Variants in SLC25A48 observed in about 807,000 individuals in gnomAD.
SLC25A48 encodes the protein CTC-321K16.1.
In SLC25A48, 29 loss-of-function variants were observed where a neutral mutation model predicts 32.2. That is an observed-to-expected ratio of 0.90 (90% CI 0.67 to 1.23). The LOEUF (loss-of-function observed/expected upper bound fraction) is 1.23, where lower values mean the gene tolerates loss of function less well. Ranked by LOEUF, SLC25A48 falls within the 50% of genes most tolerant of loss-of-function variation. SLC25A48 has a pLI of 0.00. For missense variants in SLC25A48, 399 were observed against 422.7 expected (o/e 0.94, Z 0.49); for synonymous variants, 164 against 172.3 (o/e 0.95, Z 0.38).
intron 3 of SLC25A48, among the ~76,000 whole-genome samples, chr5:135,778,181 G>T (rs1756618104): frequency 6.6e-6 from 1 of 151,488 alleles, no homozygotes; most frequent in Non-Finnish European, 1.5e-5. Flanking sequence ...GGGGGGAGAG[G>T]ATAATATTCC....
intron 3 of SLC25A48, among the ~76,000 whole-genome samples, chr5:135,792,581 T>C (rs941585206): frequency 2.0e-5 from 3 of 151,756 alleles, no homozygotes; most frequent in Admixed American, 6.6e-5. Flanking sequence ...GAGATATTAC[T>C]CTCCTAATGT....
chr5:135,737,365 T>C (rs1222606483), intron 3 of SLC25A48, among the ~76,000 whole-genome samples: 1 of 152,126 alleles, frequency 6.6e-6, no homozygotes, highest in African/African-American at 2.4e-5. Flanking sequence ...GTGTCATCAG[T>C]TAAGGCAGGA....
chr5:135,780,828 C>T (rs12659581), intron 3 of SLC25A48, among the ~76,000 whole-genome samples: 46,887 of 111,726 alleles, frequency 0.42, 18,250 homozygotes, highest in Middle Eastern at 0.7. Context: ...ATATCGCAGG[C>T]GGTGTAGACC....
chr5:135,721,667 C>T (rs2126983261), intron 3 of SLC25A48, among the ~76,000 whole-genome samples: 1 of 151,634 alleles, frequency 6.6e-6, no homozygotes, highest in South Asian at 2.1e-4. Flanking sequence ...TCTCCAAAAG[C>T]AAGCGTAAGA....
intron 3 of SLC25A48, among the ~76,000 whole-genome samples, chr5:135,767,342 T>A (rs544085895): frequency 3.3e-4 from 50 of 152,074 alleles, no homozygotes; most frequent in African/African-American, 1.1e-3. Context: ...GCCTGTTACA[T>A]GCTTCGGAAT....
chr5:135,768,532 C>G (rs909420394), intron 3 of SLC25A48, among the ~76,000 whole-genome samples: 1 of 151,490 alleles, frequency 6.6e-6, no homozygotes, highest in Non-Finnish European at 1.5e-5. Flanking sequence ...TAATATTACT[C>G]TTAATATCGC....
chr5:135,820,104 A>C (rs893376137), intron 4 of SLC25A48, among the ~76,000 whole-genome samples: 4 of 152,086 alleles, frequency 2.6e-5, no homozygotes, highest in African/African-American at 9.7e-5. Context: ...AACTATACCC[A>C]CTCAAAGACT....
At chr5:135,862,241 ACACT>A (rs998450299) in intron 4 of SLC25A48, among the ~76,000 whole-genome samples, 4 of 152,212 alleles carry the variant, frequency 2.6e-5, no homozygotes, top group Non-Finnish European at 5.9e-5. Context: ...ATGGCTAATG[ACACT>A]CACTCCTCCC....
intron 3 of SLC25A48, among the ~76,000 whole-genome samples, chr5:135,642,435 G>T (rs932066033): frequency 5.3e-5 from 8 of 152,232 alleles, no homozygotes; most frequent in African/African-American, 1.9e-4. Flanking sequence ...CCTGCCTGGT[G>T]GGCAGGACCA....
chr5:135,658,219 A>G (rs1368657074), intron 3 of SLC25A48, among the ~76,000 whole-genome samples: 4 of 152,254 alleles, frequency 2.6e-5, no homozygotes, highest in Non-Finnish European at 5.9e-5. Context: ...CAATGGAGGT[A>G]CAGGCATAGG....
At chr5:135,722,821 C>G (rs1472768466) in intron 3 of SLC25A48, among the ~76,000 whole-genome samples, 1 of 152,212 alleles carries the variant, frequency 6.6e-6, no homozygotes, top group Non-Finnish European at 1.5e-5. Flanking sequence ...CCTCCTTGTC[C>G]CTGGTGTCCG....
intron 4 of SLC25A48, among the ~76,000 whole-genome samples, chr5:135,813,915 A>C (rs1281067357): frequency 1.3e-5 from 2 of 152,148 alleles, no homozygotes; most frequent in African/African-American, 4.8e-5. Context: ...CTGGGTGATG[A>C]GTGGTTGGAG....
intron 3 of SLC25A48, among the ~76,000 whole-genome samples, chr5:135,784,758 C>A (rs535829296): frequency 3.4e-5 from 4 of 117,384 alleles, no homozygotes; most frequent in East Asian, 4.3e-4. Flanking sequence ...GTGGAAGACC[C>A]AGTGTACACC....
At chr5:135,841,581 G>A (rs1758994949) in intron 1 of SLC25A48, among the ~76,000 whole-genome samples, 1 of 152,180 alleles carries the variant, frequency 6.6e-6, no homozygotes, top group Non-Finnish European at 1.5e-5. Flanking sequence ...GTTGGGAGAA[G>A]TGGCCAAAGC....
chr5:135,749,684 C>T (rs539360595), intron 3 of SLC25A48, among the ~76,000 whole-genome samples: 47 of 152,152 alleles, frequency 3.1e-4, no homozygotes, highest in African/African-American at 1.0e-3. Flanking sequence ...CTCTGCCTCC[C>T]GGGTTCAAGC....
rs6862179 is a variant in SLC25A48, at chr5:135,627,001, C to T, written c.-848-2236C>T. Among the ~76,000 whole-genome samples, 1,434 of 152,276 alleles carry T rather than the reference C, an allele frequency of 9.4e-3. 26 individuals are homozygous for T. The highest frequency in any genetic ancestry group is 0.033 in the African/African-American group (1,361 of 41,546). On this transcript the variant is annotated intron_variant, in intron 1 of 10. Transcript: ENST00000646290. The stretch of plus-strand genomic sequence containing the variant: ...GCCCCACTTATGGCCTGGCTTGGCA[C>T]AGGAGGTGGGAGCCTGGGGAGAAAG...
intron 3 of SLC25A48, among the ~76,000 whole-genome samples, chr5:135,760,443 C>T (rs569300497): frequency 6.6e-6 from 1 of 152,234 alleles, no homozygotes; most frequent in South Asian, 2.1e-4. Context: ...CCCAAGATTC[C>T]CCCAAACTGA....
At chr5:135,794,840 A>T (rs1194691461) in intron 3 of SLC25A48, among the ~76,000 whole-genome samples, 1 of 151,402 alleles carries the variant, frequency 6.6e-6, no homozygotes, top group African/African-American at 2.4e-5. Context: ...TTCGGGGGGG[A>T]AGTATAATAT....
chr5:135,873,730 A>G (rs750559296), intron 5 of SLC25A48, among the ~76,000 whole-genome samples: 5 of 152,192 alleles, frequency 3.3e-5, no homozygotes, highest in African/African-American at 7.2e-5. Flanking sequence ...CACTTGCTCA[A>G]TGCTTCACGT....
Sources: gnomAD v4.1 joint callset for allele counts (sites outside exome capture counted in the v4.1 genomes callset) on GRCh38, gnomAD v4.1.1 for gene constraint, MANE v1.5 for transcripts, NCBI Gene and HGNC (gene_info 2026-07-23, HGNC 2026-07-21) for gene names.